Variants in OSBPL9 observed in about 807,000 individuals in gnomAD.
The protein encoded by OSBPL9 is oxysterol-binding protein-related protein 9.
A neutral mutation model predicts 106.6 loss-of-function variants in OSBPL9; 40 were observed. That is an observed-to-expected ratio of 0.38 (90% CI 0.29 to 0.49). The LOEUF is 0.49. Ranked by LOEUF, OSBPL9 falls within the 20% of genes least tolerant of loss-of-function variation. The pLI is 0.97. For synonymous variants in OSBPL9, 269 were observed against 295.4 expected (o/e 0.91, Z 0.92); for missense variants, 609 against 887.2 (o/e 0.69, Z 3.98).
intron 1 of OSBPL9, among the ~76,000 whole-genome samples, chr1:51,630,163 C>T (rs150208892): frequency 1.0e-3 from 156 of 152,162 alleles, no homozygotes; most frequent in African/African-American, 3.5e-3. Context: ...AGTTGCATTT[C>T]TCAGTCTTCT....
At chr1:51,758,875 G>T (rs540054636) in intron 9 of OSBPL9, among the ~76,000 whole-genome samples, 2 of 152,146 alleles carry the variant, frequency 1.3e-5, no homozygotes, top group African/African-American at 4.8e-5. Context: ...CTCCATGTTT[G>T]TTGAGATACT....
intron 2 of OSBPL9, among the ~76,000 whole-genome samples, chr1:51,609,652 G>T (rs1349207437): frequency 6.6e-6 from 1 of 151,216 alleles, no homozygotes; most frequent in African/African-American, 2.4e-5. Flanking sequence ...CTCCTGGCCA[G>T]CTACCGCCTA....
intron 1 of OSBPL9, among the ~76,000 whole-genome samples, chr1:51,590,326 A>C (rs1645268093): frequency 6.6e-6 from 1 of 151,940 alleles, no homozygotes; most frequent in Non-Finnish European, 1.5e-5. Context: ...GGAGGTAAAA[A>C]AAAAAATCAC....
chr1:51,585,574 G>C (rs1645243676), intron 1 of OSBPL9, among the ~76,000 whole-genome samples: 2 of 152,050 alleles, frequency 1.3e-5, no homozygotes, highest in African/African-American at 4.8e-5. Flanking sequence ...TCAGGAGTTC[G>C]AGACCAGCCT....
In OSBPL9 at chr1:51,783,898, T is replaced by G; in HGVS notation, c.1514-17T>G. 6.4e-7 allele frequency: 1 copy of G among 1,567,858 alleles called. No individual in the cohort carries two copies. Among genetic ancestry groups the G allele is most frequent in the Middle Eastern group, 1.7e-4 (1 of 5,972 alleles). Reference sequence around the variant, plus strand: ...CTGTAGGTATATATAATCTACTAATTGAAAATTTCTATTCAGTTTCAGCCT... The same window carrying G: ...CTGTAGGTATATATAATCTACTAATGGAAAATTTCTATTCAGTTTCAGCCT... On this transcript the variant is annotated splice_polypyrimidine_tract_variant and intron_variant, in intron 17 of 23. Coordinates refer to ENST00000428468, the MANE Select transcript of OSBPL9 (RefSeq NM_024586.6).
At chr1:51,755,271 T>C (rs1263487895) in intron 8 of OSBPL9, among the ~76,000 whole-genome samples, 3 of 152,208 alleles carry the variant, frequency 2.0e-5, no homozygotes, top group Non-Finnish European at 4.4e-5. Flanking sequence ...AAATGGTTTA[T>C]TTCAATGGTT....
intron 16 of OSBPL9, among the ~76,000 whole-genome samples, chr1:51,782,176 A>G (rs574576890): frequency 2.0e-5 from 3 of 152,308 alleles, no homozygotes; most frequent in Admixed American, 1.3e-4. Context: ...AAACAAAACC[A>G]TAGCCCACAG....
At chr1:51,613,003 T>C (rs752860977), upstream of OSBPL9, among the ~76,000 whole-genome samples, 5 of 152,196 alleles carry the variant, frequency 3.3e-5, no homozygotes, top group Non-Finnish European at 7.3e-5. Flanking sequence ...TCTTGAAGGA[T>C]TGTTGAGGGG....
At chr1:51,559,754 G>T in the OSBPL9 span, among the ~76,000 whole-genome samples, 4 of 152,152 alleles carry the variant, frequency 2.6e-5, no homozygotes, top group Non-Finnish European at 5.9e-5. Context: ...TGTTTTCAGT[G>T]GGGGGATAAG....
At chr1:51,736,381 A>T (rs890472253) in intron 4 of OSBPL9, among the ~76,000 whole-genome samples, 2 of 152,206 alleles carry the variant, frequency 1.3e-5, no homozygotes, top group African/African-American at 2.4e-5. Context: ...TGTTGAGTCT[A>T]TTCAAGTCAG....
chr1:51,705,591 T>G (rs1291758430), intron 3 of OSBPL9, among the ~76,000 whole-genome samples: 1 of 150,890 alleles, frequency 6.6e-6, no homozygotes, highest in East Asian at 1.9e-4. Flanking sequence ...AATTTTGTAT[T>G]TTTAGTAGAG....
chr1:51,519,453 G>A, the OSBPL9 span: 1 of 174,800 alleles, frequency 5.7e-6, no homozygotes, highest in African/African-American at 2.4e-5. Flanking sequence ...CCTGGCGCCG[G>A]AGTCTCGGCC....
chr1:51,743,024 T>C (rs1228063804), intron 4 of OSBPL9, among the ~76,000 whole-genome samples: 1 of 152,228 alleles, frequency 6.6e-6, no homozygotes, highest in African/African-American at 2.4e-5. Flanking sequence ...TTCTAGAGTA[T>C]TAGTTTTACT....
chr1:51,545,432 G>C, the OSBPL9 span, among the ~76,000 whole-genome samples: 2 of 152,016 alleles, frequency 1.3e-5, no homozygotes, highest in Non-Finnish European at 2.9e-5. Context: ...AATTATCCAG[G>C]CGTGGTGGCA....
the OSBPL9 span, among the ~76,000 whole-genome samples, chr1:51,552,928 A>ATT: frequency 6.7e-6 from 1 of 149,616 alleles, no homozygotes; most frequent in South Asian, 2.1e-4. Flanking sequence ...TGGTCTTTCC[A>ATT]TTTTTTTTTA....
chr1:51,738,232 T>G (rs1301282845), intron 4 of OSBPL9, among the ~76,000 whole-genome samples: 2 of 152,002 alleles, frequency 1.3e-5, no homozygotes. Flanking sequence ...TCAAAGGGTG[T>G]ATTAGTATCA....
intron 1 of OSBPL9, among the ~76,000 whole-genome samples, chr1:51,646,488 T>C (rs1298756920): frequency 1.3e-5 from 2 of 152,236 alleles, no homozygotes; most frequent in Non-Finnish European, 2.9e-5. Flanking sequence ...GGTGAGCTCA[T>C]TTATTAGCTC....
intron 4 of OSBPL9, chr1:51,740,151 C>T (rs917018048): frequency 6.5e-7 from 1 of 1,548,188 alleles, no homozygotes; most frequent in Non-Finnish European, 8.7e-7. Flanking sequence ...AGATCAGTAC[C>T]ACACTTGCTT....
chr1:51,777,424 G>C (rs551354033), intron 15 of OSBPL9, among the ~76,000 whole-genome samples: 1 of 152,306 alleles, frequency 6.6e-6, no homozygotes, highest in South Asian at 2.1e-4. Flanking sequence ...ATATGTATGA[G>C]ATAGAAGTAA....
Sources: gnomAD v4.1 joint callset for allele counts (sites outside exome capture counted in the v4.1 genomes callset) on GRCh38, gnomAD v4.1.1 for gene constraint, MANE v1.5 for transcripts, NCBI Gene and HGNC (gene_info 2026-07-23, HGNC 2026-07-21) for gene names.